The following ZNF69 variants were observed in gnomAD, a reference collection of about 807,000 sequenced individuals.
The protein encoded by ZNF69 is zinc finger protein 69.
In ZNF69, 47 loss-of-function variants were observed where a neutral mutation model predicts 50.9. The ratio of observed to expected loss-of-function variants is 0.92; its 90% CI spans 0.73 to 1.18. The LOEUF (loss-of-function observed/expected upper bound fraction) is 1.18, where lower values mean the gene tolerates loss of function less well. ZNF69 is among the 50% of genes most tolerant of loss of function. ZNF69 has a pLI of 0.00. For missense variants in ZNF69, 717 were observed against 675.1 expected, an observed-to-expected ratio of 1.06 and a Z score of -0.69; for synonymous variants, 216 against 223.1, an observed-to-expected ratio of 0.97 and a Z score of 0.29.
chr19:11,903,591 G>A lies in ZNF69; in HGVS notation c.82G>A (p.Asp28Asn), dbSNP rs954695193. 2 of 1,614,114 alleles carry A rather than the reference G, an allele frequency of 1.2e-6. No individual in the cohort carries two copies. Among genetic ancestry groups the A allele is most frequent in the Non-Finnish European group, 1.7e-6 (2 of 1,180,024 alleles). ...GTTTCAGGACCCAGTGGCCTTTGAT[G>A]ATGTTGCTGTGAACTTCACCCAGGA... ...SQEMDPVAFD[D>N]VAVNFTQEEW... Residue 28 changes from aspartate (D) to asparagine (N), a missense_variant, in exon 2 of 4, where the codon GAT (aspartate) becomes AAT (asparagine). Transcript: ENST00000429654.
the ZNF69 span, chr19:11,948,613 A>G: frequency 4.4e-5 from 71 of 1,611,506 alleles, no homozygotes; most frequent in Middle Eastern, 3.3e-4. Flanking sequence ...CTATGCTTGT[A>G]AAGTCTGTGG....
the ZNF69 span, among the ~76,000 whole-genome samples, chr19:11,919,688 CT>C: frequency 6.6e-6 from 1 of 152,114 alleles, no homozygotes; most frequent in South Asian, 2.1e-4. Context: ...AAGGAGGGCT[CT>C]CACAATGGGA....
chr19:11,929,974 C>G, the ZNF69 span, among the ~76,000 whole-genome samples: 1 of 148,142 alleles, frequency 6.8e-6, no homozygotes, highest in Non-Finnish European at 1.5e-5. Context: ...GTACACCCTC[C>G]TATCTTTTCC....
the ZNF69 span, chr19:11,978,369 C>T: frequency 6.2e-7 from 1 of 1,614,150 alleles, no homozygotes. Flanking sequence ...GTGTCAACAA[C>T]CTAAGAAAGC....
downstream of ZNF69, among the ~76,000 whole-genome samples, chr19:11,908,519 C>T (rs1486859661): frequency 1.3e-5 from 2 of 152,226 alleles, no homozygotes; most frequent in East Asian, 3.8e-4. Context: ...TTAAGAAACT[C>T]ACTCTAAACC....
the ZNF69 span, among the ~76,000 whole-genome samples, chr19:11,919,946 C>T: frequency 4.6e-5 from 7 of 152,070 alleles, no homozygotes; most frequent in African/African-American, 1.4e-4. Flanking sequence ...CATATACTAT[C>T]GTATATGATA....
the ZNF69 span, chr19:11,976,928 A>G: frequency 1.3e-6 from 2 of 1,555,346 alleles, no homozygotes; most frequent in Non-Finnish European, 1.7e-6. Context: ...TGTGATGACC[A>G]AAGCAGGGAA....
chr19:11,979,824 G>C, the ZNF69 span: 1 of 1,563,882 alleles, frequency 6.4e-7, no homozygotes, highest in Non-Finnish European at 8.8e-7. Context: ...AAAGCCTTCA[G>C]ATCTGCCAAG....
the ZNF69 span, among the ~76,000 whole-genome samples, chr19:11,945,902 T>A: frequency 6.6e-6 from 1 of 152,056 alleles, no homozygotes; most frequent in Non-Finnish European, 1.5e-5. Flanking sequence ...ATAGTACAAG[T>A]GCAGGGCAAG....
chr19:11,977,075 C>A, the ZNF69 span: 1 of 1,614,148 alleles, frequency 6.2e-7, no homozygotes, highest in Non-Finnish European at 8.5e-7. Context: ...GTGAACTTCA[C>A]CCAGGAGGAG....
intron 1 of ZNF69, among the ~76,000 whole-genome samples, chr19:11,893,354 C>G (rs545903073): frequency 8.5e-4 from 130 of 152,186 alleles, no homozygotes; most frequent in African/African-American, 2.9e-3. Flanking sequence ...GACTGTTTTC[C>G]CCTGGCATTT....
Position 11,905,183 on chromosome 19 carries a change from C to A in ZNF69, c.786C>A (p.Thr262=), listed in dbSNP as rs542554534. 713 of 1,613,914 alleles carry A rather than the reference C, an allele frequency of 4.4e-4. No homozygotes were observed. The highest frequency in any genetic ancestry group is 5.7e-4 in the Non-Finnish European group (669 of 1,180,016). The change falls in exon 4 of 4, where the codon ACC becomes ACA. Residue 262 remains threonine, a synonymous_variant. Coordinates refer to ENST00000429654, the MANE Select transcript of ZNF69 (RefSeq NM_001364730.1). ...GTAAATCCTTTAGTTATTCTGCTAC[C>A]CTTCGAATACACGAAAGAACTCACA... ...QCGKSFSYSA[T]LRIHERTHTG... is the part of the protein sequence containing the mutation.
chr19:11,905,076 A>G lies in ZNF69; in HGVS notation c.679A>G (p.Lys227Glu), dbSNP rs773032934. 4 of 1,614,080 alleles carry G rather than the reference A, an allele frequency of 2.5e-6. No individual in the cohort carries two copies. In the Admixed American group the frequency reaches 6.7e-5, roughly 27 times the overall value. The change falls in exon 4 of 4, where the codon AAA becomes GAA. Residue 227 changes from lysine to glutamate, a missense_variant. Physicochemically the swap from Lys to Glu is moderately conservative, Grantham distance 56. Coordinates refer to ENST00000429654, the MANE Select transcript of ZNF69 (RefSeq NM_001364730.1). ...ACCTTATAAATGTAAATTTTGTGGG[A>G]AAGCCTTCCATTGTCTCAGTTTATA... ...DGPYKCKFCG[K>E]AFHCLSLYLI...
At chr19:11,978,662 T>A in the ZNF69 span, 5 of 1,614,114 alleles carry the variant, frequency 3.1e-6, no homozygotes, top group Non-Finnish European at 3.4e-6. Context: ...ATCGAATACA[T>A]GAAAGAACTC....
intron 1 of ZNF69, among the ~76,000 whole-genome samples, chr19:11,889,893 C>A (rs560295111): frequency 3.9e-5 from 6 of 152,212 alleles, no homozygotes; most frequent in South Asian, 2.1e-4. Context: ...AGCAAAGGAA[C>A]CTGTATCATG....
chr19:11,918,226 T>C (rs111627058), downstream of ZNF69, among the ~76,000 whole-genome samples: 3 of 152,352 alleles, frequency 2.0e-5, no homozygotes, highest in South Asian at 2.1e-4. Flanking sequence ...GTCAGTACAG[T>C]ATGAATGTAA....
At chr19:11,971,632 T>A in the ZNF69 span, among the ~76,000 whole-genome samples, 2 of 152,246 alleles carry the variant, frequency 1.3e-5, no homozygotes, top group Non-Finnish European at 2.9e-5. Flanking sequence ...ATAGTGTTAT[T>A]TAATCTCCTT....
intron 1 of ZNF69, among the ~76,000 whole-genome samples, chr19:11,901,573 C>T (rs1972244764): frequency 6.6e-6 from 1 of 152,174 alleles, no homozygotes; most frequent in Admixed American, 6.5e-5. Context: ...CAACCTCTGC[C>T]TCCCAGGTTC....
the ZNF69 span, among the ~76,000 whole-genome samples, chr19:11,973,480 G>C: frequency 1.6e-4 from 25 of 152,262 alleles, no homozygotes; most frequent in South Asian, 2.7e-3. Context: ...TTCCCAGAGT[G>C]CTGGGATTCC....
Sources: allele counts gnomAD v4.1 joint callset (sites outside exome capture counted in the v4.1 genomes callset), GRCh38; gene constraint gnomAD v4.1.1; transcripts MANE v1.5; gene names NCBI Gene and HGNC (gene_info 2026-07-23, HGNC 2026-07-21).